The following SCD5 variants were observed in gnomAD, a reference collection of about 807,000 sequenced individuals.
SCD5 encodes the protein stearoyl-CoA desaturase 5, also known as acyl-CoA-desaturase 4.
In SCD5, 20 loss-of-function variants were observed where a neutral mutation model predicts 30.4. The observed-to-expected ratio is 0.66, with a 90% CI of 0.46 to 0.96. The LOEUF (loss-of-function observed/expected upper bound fraction) is 0.96, where lower values mean the gene tolerates loss of function less well. Among genes scored for constraint, SCD5 ranks in the 40% least tolerant of loss-of-function variants. SCD5 has a pLI of 0.00. For synonymous variants in SCD5, 173 were observed against 176.4 expected, an observed-to-expected ratio of 0.98 and a Z score of 0.16; for missense variants, 381 against 443.3, an observed-to-expected ratio of 0.86 and a Z score of 1.26.
At chr4:82,637,804 G>A (rs1345758924) in intron 3 of SCD5, among the ~76,000 whole-genome samples, 1 of 152,208 alleles carries the variant, frequency 6.6e-6, no homozygotes, top group South Asian at 2.1e-4. Flanking sequence ...ACTCTGACTT[G>A]AGTCCAAATC....
At chr4:82,738,821 C>A (rs4626189) in intron 1 of SCD5, among the ~76,000 whole-genome samples, 1 of 152,078 alleles carries the variant, frequency 6.6e-6, no homozygotes, top group Admixed American at 6.5e-5. Flanking sequence ...ACTTAGGATA[C>A]GCTGTGACCC....
intron 2 of SCD5, among the ~76,000 whole-genome samples, chr4:82,683,893 C>G (rs1244095204): frequency 6.6e-6 from 1 of 152,182 alleles, no homozygotes; most frequent in Non-Finnish European, 1.5e-5. Flanking sequence ...TCCCCAGCCA[C>G]GCAGAACTGT....
At position 82,759,800 on chromosome 4, in the gene SCD5, A is replaced by T. The variant is rs17006303; in HGVS notation, c.232+38506T>A. ...TCATGTTTGTCTTCTCCTAGAGATTATGAGTTACCTAAGGGCAAGAACCTT... is the reference window on the plus strand; with the variant it reads ...TCATGTTTGTCTTCTCCTAGAGATTTTGAGTTACCTAAGGGCAAGAACCTT... On this transcript the variant is annotated intron_variant, in intron 1 of 4. Transcript: ENST00000319540. 3.8e-3 allele frequency among the ~76,000 whole-genome samples: 577 copies of T among 152,204 alleles called. 12 individuals carry two copies. Among genetic ancestry groups the T allele is most frequent in the East Asian group, 0.019 (100 of 5,180 alleles).
intron 3 of SCD5, among the ~76,000 whole-genome samples, chr4:82,674,666 C>T (rs1728397610): frequency 2.0e-5 from 3 of 152,160 alleles, no homozygotes; most frequent in Admixed American, 6.5e-5. Flanking sequence ...CACAAAAACC[C>T]GCACATGAAT....
chr4:82,675,917 A>G (rs1728427393), intron 3 of SCD5, among the ~76,000 whole-genome samples: 1 of 152,226 alleles, frequency 6.6e-6, no homozygotes, highest in Non-Finnish European at 1.5e-5. Flanking sequence ...CCCCATATCG[A>G]TTCACCCTTC....
chr4:82,780,802 C>T (rs1487671198), intron 1 of SCD5, among the ~76,000 whole-genome samples: 2 of 152,276 alleles, frequency 1.3e-5, no homozygotes, highest in African/African-American at 2.4e-5. Flanking sequence ...AAACACCTGG[C>T]CACCCCAGGA....
intron 3 of SCD5, among the ~76,000 whole-genome samples, chr4:82,662,933 A>G (rs545421267): frequency 6.6e-6 from 1 of 152,096 alleles, no homozygotes; most frequent in Non-Finnish European, 1.5e-5. Context: ...ACATCGTCAC[A>G]ATGAAATATT....
chr4:82,680,279 G>C (rs1476671318), intron 3 of SCD5, among the ~76,000 whole-genome samples: 1 of 152,152 alleles, frequency 6.6e-6, no homozygotes, highest in Non-Finnish European at 1.5e-5. Context: ...TTCACTACAA[G>C]AGAATTTCAG....
chr4:82,657,063 T>A (rs1297436981), intron 3 of SCD5, among the ~76,000 whole-genome samples: 2 of 152,218 alleles, frequency 1.3e-5, no homozygotes, highest in African/African-American at 4.8e-5. Flanking sequence ...TTCACTCTGA[T>A]GATAGTTTCT....
chr4:82,730,503 A>G (rs1016125249), intron 1 of SCD5, among the ~76,000 whole-genome samples: 6 of 150,052 alleles, frequency 4.0e-5, no homozygotes, highest in Non-Finnish European at 8.9e-5. Flanking sequence ...TCACCGTGTT[A>G]GCCAAGATGG....
At chr4:82,767,361 C>T (rs78975578) in intron 1 of SCD5, among the ~76,000 whole-genome samples, 4,867 of 152,164 alleles carry the variant, frequency 0.032, 251 homozygotes, top group African/African-American at 0.11. Flanking sequence ...ATTTTGGCCT[C>T]CCCAGACTTC....
chr4:82,787,388 T>C (rs539941585), intron 1 of SCD5, among the ~76,000 whole-genome samples: 15 of 151,922 alleles, frequency 9.9e-5, no homozygotes, highest in East Asian at 5.8e-4. Context: ...CAGAGTAACC[T>C]ACCGCTCTAC....
At chr4:82,709,619 C>A (rs566738238) in intron 1 of SCD5, among the ~76,000 whole-genome samples, 55 of 152,304 alleles carry the variant, frequency 3.6e-4, no homozygotes, top group Admixed American at 3.2e-3. Context: ...CTCACAGATG[C>A]AAAGCCCTCA....
At chr4:82,780,784 G>C (rs947536192) in intron 1 of SCD5, among the ~76,000 whole-genome samples, 21 of 152,356 alleles carry the variant, frequency 1.4e-4, no homozygotes, top group African/African-American at 5.0e-4. Flanking sequence ...TCAACCTTCA[G>C]ACTGAAGAAA....
rs141020090 is a variant in SCD5, at chr4:82,739,007, T to C, written c.233-33594A>G. On this transcript the variant is annotated intron_variant, in intron 1 of 4. Coordinates refer to ENST00000319540, the MANE Select transcript of SCD5 (RefSeq NM_001037582.3). ...GATGGGCAAATGTTTTGATGATTTGTAGCAAACTGTAATTTTTTCCCCAAG... is the reference window on the plus strand; with the variant it reads ...GATGGGCAAATGTTTTGATGATTTGCAGCAAACTGTAATTTTTTCCCCAAG... Among the ~76,000 whole-genome samples, 17 of 152,304 alleles carry C rather than the reference T, an allele frequency of 1.1e-4. No homozygotes were observed. In the East Asian group the frequency reaches 3.3e-3, roughly 29 times the overall value.
intron 1 of SCD5, among the ~76,000 whole-genome samples, chr4:82,741,099 ATTTTTT>A (rs34852290): frequency 0.15 from 20,423 of 139,236 alleles, 2,494 homozygotes; most frequent in African/African-American, 0.34. Flanking sequence ...GTGCCAGCTA[ATTTTTT>A]TTTTTTTTTT....
At chr4:82,794,743 A>G (rs1164008576) in intron 1 of SCD5, among the ~76,000 whole-genome samples, 4 of 148,868 alleles carry the variant, frequency 2.7e-5, no homozygotes, top group Non-Finnish European at 5.9e-5. Context: ...TCCACCTCCC[A>G]GGTTCACGCC....
intron 2 of SCD5, among the ~76,000 whole-genome samples, chr4:82,701,618 A>C (rs1410003947): frequency 2.0e-5 from 3 of 152,210 alleles, no homozygotes; most frequent in Non-Finnish European, 4.4e-5. Flanking sequence ...CAGTCTGTCT[A>C]TCCACTAATT....
chr4:82,664,991 C>A (rs866856849), intron 3 of SCD5, among the ~76,000 whole-genome samples: 2,757 of 95,434 alleles, frequency 0.029, 52 homozygotes, highest in Middle Eastern at 0.052. Context: ...CTCTCTCTCT[C>A]TCTCTCTCTA....
Sources: allele counts gnomAD v4.1 joint callset (sites outside exome capture counted in the v4.1 genomes callset), GRCh38; gene constraint gnomAD v4.1.1; transcripts MANE v1.5; gene names NCBI Gene and HGNC (gene_info 2026-07-23, HGNC 2026-07-21).